Variants in BRIP1 observed in about 807,000 individuals in gnomAD.
BRIP1 encodes Fanconi anemia group J protein.
Under a neutral mutation model 119.7 loss-of-function variants are expected in BRIP1, and 88 were observed. The ratio of observed to expected loss-of-function variants is 0.74; its 90% CI spans 0.62 to 0.88. The LOEUF (loss-of-function observed/expected upper bound fraction) is 0.88. Ranked by LOEUF, BRIP1 falls within the 40% of genes least tolerant of loss-of-function variation. The probability of loss-of-function intolerance (pLI) is 0.00; values close to 1 mark genes in which losing one functional copy is unlikely to be tolerated. For synonymous variants in BRIP1, 443 were observed against 496.5 expected, an observed-to-expected ratio of 0.89 and a Z score of 1.43; for missense variants, 1,259 against 1,455.4, an observed-to-expected ratio of 0.87 and a Z score of 2.20.
At chr17:61,829,074 C>G (rs911981721) in intron 6 of BRIP1, among the ~76,000 whole-genome samples, 2 of 151,788 alleles carry the variant, frequency 1.3e-5, no homozygotes, top group African/African-American at 4.8e-5. Context: ...AAAGTTGGAA[C>G]AAACAGAAAA....
chr17:61,788,919 GC>G (rs1227972314), intron 10 of BRIP1, among the ~76,000 whole-genome samples: 6 of 151,900 alleles, frequency 3.9e-5, no homozygotes, highest in Admixed American at 6.6e-5. Context: ...CATGACAAAA[GC>G]CCGTCTCTAC....
rs1038230880 is a variant in BRIP1 at position 61,799,640 on chromosome 17, C to G, written c.1141-341G>C. Among the ~76,000 whole-genome samples, 1 of 151,914 alleles carries G rather than the reference C, an allele frequency of 6.6e-6. No individual in the cohort carries two copies. The highest frequency in any genetic ancestry group is 1.5e-5 in the Non-Finnish European group (1 of 67,980). Reference sequence around the variant, plus strand: ...AGTGTTTCCAACATAATTTTACAAACTAATTATAAGACCTTTAAAAATAAA... The same window carrying G: ...AGTGTTTCCAACATAATTTTACAAAGTAATTATAAGACCTTTAAAAATAAA... On this transcript the variant is annotated intron_variant, in intron 8 of 19. Coordinates refer to ENST00000259008, the MANE Select transcript of BRIP1 (RefSeq NM_032043.3). The surrounding 1 kb of genome is among the most constrained non-coding windows in gnomAD (Gnocchi z 5.1).
At position 61,683,876 on chromosome 17, in the gene BRIP1, T is replaced by C. The variant is rs951001849; in HGVS notation, c.3170A>G (p.Asn1057Ser). The change falls in exon 20 of 20, where the codon AAT becomes AGT. Residue 1057 changes from asparagine (N) to serine (S), a missense_variant. This residue lies in a region of BRIP1 where 753 missense variants were observed against 891.8 expected (regional missense o/e 0.84). Coordinates refer to ENST00000259008, the MANE Select transcript of BRIP1 (RefSeq NM_032043.3). The surrounding 1 kb of genome is among the most constrained non-coding windows in gnomAD (Gnocchi z 4.7). ...TCCAAACGATGTGTTTACTGTCAGA[T>C]TTGAGGATTCACATTTATCAGTGAA... ...LPFTDKCESS[N>S]LTVNTSFGSC... The C allele has an allele frequency of 6.2e-7, 1 of 1,614,162 alleles. No individual in the cohort carries two copies. The highest frequency in any genetic ancestry group is 8.5e-7 in the Non-Finnish European group (1 of 1,180,026).
intron 5 of BRIP1, 33 bp from the exon 6 acceptor site, chr17:61,847,253 T>G (rs766756548): frequency 1.2e-6 from 2 of 1,611,966 alleles, no homozygotes; most frequent in South Asian, 1.1e-5. Context: ...AAGTTTAAGG[T>G]GAACTAGAAG....
At chr17:61,829,928 CTTT>C (rs59921365) in intron 6 of BRIP1, among the ~76,000 whole-genome samples, 1 of 147,476 alleles carries the variant, frequency 6.8e-6, no homozygotes, top group Non-Finnish European at 1.5e-5. Flanking sequence ...AAGTTTCAAT[CTTT>C]TTTTTTTTCT....
chr17:61,817,543 A>G (rs938813161), intron 6 of BRIP1, among the ~76,000 whole-genome samples: 1 of 152,222 alleles, frequency 6.6e-6, no homozygotes, highest in Non-Finnish European at 1.5e-5. Flanking sequence ...TTATTATTAC[A>G]TACAAGTCTC....
Position 61,844,712 on chromosome 17 carries a change from C to T in BRIP1, c.627+2389G>A, listed in dbSNP as rs541803614. Among the ~76,000 whole-genome samples the T allele has an allele frequency of 6.6e-6, 1 of 152,218 alleles. No homozygotes were observed. The highest frequency in any genetic ancestry group is 2.1e-4 in the South Asian group (1 of 4,824). ...TCTTTCCTTATCTTGGTGTTAGAAC[C>T]CTATTTAGGTGGCTCCAGGACTGCA... On this transcript the variant is annotated intron_variant, in intron 6 of 19. Coordinates refer to ENST00000259008, the MANE Select transcript of BRIP1 (RefSeq NM_032043.3). The surrounding 1 kb of genome is among the most constrained non-coding windows in gnomAD (Gnocchi z 4.7).
At chr17:61,747,903 T>C (rs1190362439) in intron 14 of BRIP1, among the ~76,000 whole-genome samples, 1 of 83,832 alleles carries the variant, frequency 1.2e-5, no homozygotes, top group Admixed American at 1.8e-4. Context: ...GCCCTGGTAA[T>C]TTTTTTTTTT....
chr17:61,680,714 C>T lies in BRIP1; in HGVS notation c.*2582G>A, dbSNP rs1459022703. On this transcript the variant is annotated 3_prime_UTR_variant, in exon 20 of 20. Coordinates refer to ENST00000259008, the MANE Select transcript of BRIP1 (RefSeq NM_032043.3). Reference sequence around the variant, plus strand: ...CAGGATGGTCTCGATCTCCTGACCTCGTGATCCGCCCGCCTCGGCCTCCCA... The same window carrying T: ...CAGGATGGTCTCGATCTCCTGACCTTGTGATCCGCCCGCCTCGGCCTCCCA... Among the ~76,000 whole-genome samples the T allele has an allele frequency of 6.6e-6, 1 of 151,940 alleles. No individual in the cohort carries two copies. The highest frequency in any genetic ancestry group is 1.5e-5 in the Non-Finnish European group (1 of 67,950).
intron 16 of BRIP1, among the ~76,000 whole-genome samples, chr17:61,733,324 C>A (rs750147191): frequency 6.6e-6 from 1 of 152,064 alleles, no homozygotes; most frequent in Non-Finnish European, 1.5e-5. Context: ...CCAGGACCAG[C>A]CTGGGCAATA....
intron 3 of BRIP1, among the ~76,000 whole-genome samples, chr17:61,859,331 T>C (rs2078941737): frequency 6.6e-6 from 1 of 152,142 alleles, no homozygotes; most frequent in South Asian, 2.1e-4. Flanking sequence ...TAATTATTTT[T>C]ATAATAACTC....
At chr17:61,707,218 T>C (rs1161598612) in intron 17 of BRIP1, among the ~76,000 whole-genome samples, 2 of 152,188 alleles carry the variant, frequency 1.3e-5, no homozygotes, top group African/African-American at 2.4e-5. Context: ...GAAGACAATT[T>C]CTTCTATTTT....
At chr17:61,854,641 A>T (rs1364574184) in intron 4 of BRIP1, among the ~76,000 whole-genome samples, 1 of 141,306 alleles carries the variant, frequency 7.1e-6, no homozygotes. Context: ...CGAGAGGCAG[A>T]GGTTGCAGTG....
rs587778138 is a variant in BRIP1 at position 61,801,460 on chromosome 17, AT to A, written c.932del (p.Tyr311PhefsTer27). 2 of 1,611,414 alleles carry A rather than the reference AT, an allele frequency of 1.2e-6. No homozygotes were observed. The highest frequency in any genetic ancestry group is 2.2e-5 in the South Asian group (2 of 91,028). ...LLDGKNGKSC[Y>X]FYHGVHKISD... Reference sequence around the variant, plus strand: ...TAATTTTATGAACTCCATGATAAAAATAGCAGGATTTTCCCTAGAAACAAAT... The same window carrying A: ...TAATTTTATGAACTCCATGATAAAAAAGCAGGATTTTCCCTAGAAACAAAT... On this transcript the variant is annotated frameshift_variant, in exon 8 of 20. Transcript: ENST00000259008. LOFTEE classifies it high-confidence loss of function.
At chr17:61,737,641 C>A (rs1466873077) in intron 16 of BRIP1, among the ~76,000 whole-genome samples, 1 of 152,124 alleles carries the variant, frequency 6.6e-6, no homozygotes, top group Non-Finnish European at 1.5e-5. Flanking sequence ...GTTAAGAAAT[C>A]ACCCATAATG....
intron 17 of BRIP1, among the ~76,000 whole-genome samples, chr17:61,712,472 C>T (rs1056442462): frequency 6.6e-6 from 1 of 152,094 alleles, no homozygotes; most frequent in Non-Finnish European, 1.5e-5. Flanking sequence ...CCTCCACCTA[C>T]CAAAGGGCTG....
At position 61,740,006 on chromosome 17, in the gene BRIP1, G is replaced by T. The variant is rs1378120015; in HGVS notation, c.2379+3007C>A. ...AGTAATCGCATAACCGGGCAAAATG[G>T]AGCAATTGTTTTCAGGTAGTAGACA... On this transcript the variant is annotated intron_variant, in intron 16 of 19. Coordinates refer to ENST00000259008, the MANE Select transcript of BRIP1 (RefSeq NM_032043.3). The surrounding 1 kb of genome is among the most constrained non-coding windows in gnomAD (Gnocchi z 5.4). Among the ~76,000 whole-genome samples, 1 of 152,128 alleles carries T rather than the reference G, an allele frequency of 6.6e-6. No homozygotes were observed. The highest frequency in any genetic ancestry group is 6.6e-5 in the Admixed American group (1 of 15,264).
rs774150287 is a variant in BRIP1, at chr17:61,755,969, C to T, written c.2098-11378G>A. 4.6e-5 allele frequency among the ~76,000 whole-genome samples: 7 copies of T among 152,148 alleles called. No homozygotes were observed. Among genetic ancestry groups the T allele is most frequent in the Non-Finnish European group, 1.0e-4 (7 of 68,026 alleles). On this transcript the variant is annotated intron_variant, in intron 14 of 19. Coordinates refer to ENST00000259008, the MANE Select transcript of BRIP1 (RefSeq NM_032043.3). This position sits in a 1 kb window ranked among gnomAD's most constrained non-coding sequence, Gnocchi z 4.5. ...ATTTGGTGACTATGACACATTTCCA[C>T]AGAACACAATGTGTTTTATTTTAAT...
intron 17 of BRIP1, among the ~76,000 whole-genome samples, chr17:61,694,002 T>A (rs2061488406): frequency 6.6e-6 from 1 of 152,132 alleles, no homozygotes; most frequent in Admixed American, 6.6e-5. Flanking sequence ...CACTGAATCA[T>A]CCTTGCATTC....
Sources: allele counts gnomAD v4.1 joint callset (sites outside exome capture counted in the v4.1 genomes callset), GRCh38; gene constraint gnomAD v4.1.1; regional missense constraint gnomAD v4.1.1; non-coding constraint Gnocchi (gnomAD v3.1); transcripts MANE v1.5; gene names NCBI Gene and HGNC (gene_info 2026-07-23, HGNC 2026-07-21).